Variants in LSAMP observed in about 807,000 individuals in gnomAD.
LSAMP encodes the protein limbic system associated membrane protein, also known as limbic system-associated membrane protein.
A neutral mutation model predicts 38.6 loss-of-function variants in LSAMP; 7 were observed. That is an observed-to-expected ratio of 0.18 (90% CI 0.10 to 0.34). LSAMP has a LOEUF of 0.34. LSAMP is among the 10% of genes least tolerant of loss of function. The pLI is 1.00. For synonymous variants in LSAMP, 154 were observed against 166.8 expected, an observed-to-expected ratio of 0.92 and a Z score of 0.59; for missense variants, 313 against 420.0, an observed-to-expected ratio of 0.75 and a Z score of 2.23.
chr3:116,217,639 A>G (rs1359024677), intron 1 of LSAMP, among the ~76,000 whole-genome samples: 1 of 152,226 alleles, frequency 6.6e-6, no homozygotes, highest in Non-Finnish European at 1.5e-5. Flanking sequence ...TACTGTGCTA[A>G]ACATTTTGCA....
intron 1 of LSAMP, among the ~76,000 whole-genome samples, chr3:116,230,094 G>A (rs1007527806): frequency 5.3e-5 from 8 of 152,184 alleles, no homozygotes; most frequent in Admixed American, 3.3e-4. Flanking sequence ...CTTGTTTTAT[G>A]AGCTGTCTCT....
intron 3 of LSAMP, among the ~76,000 whole-genome samples, chr3:115,969,066 G>A (rs1054396563): frequency 6.6e-6 from 1 of 152,126 alleles, no homozygotes; most frequent in South Asian, 2.1e-4. Context: ...CACTGTCAGG[G>A]GTTGTGTCGC....
At chr3:116,394,702 A>G (rs1483135880) in intron 1 of LSAMP, among the ~76,000 whole-genome samples, 6 of 151,962 alleles carry the variant, frequency 3.9e-5, no homozygotes, top group Non-Finnish European at 8.8e-5. Context: ...TCTGGCTGTG[A>G]CTCTTTTCTC....
intron 1 of LSAMP, among the ~76,000 whole-genome samples, chr3:116,238,512 G>T (rs992763452): frequency 6.6e-6 from 1 of 152,270 alleles, no homozygotes; most frequent in Admixed American, 6.5e-5. Context: ...AGCACATTTT[G>T]AGTCCACCTG....
chr3:116,264,954 C>A (rs942320931), intron 1 of LSAMP, among the ~76,000 whole-genome samples: 2 of 152,158 alleles, frequency 1.3e-5, no homozygotes, highest in African/African-American at 4.8e-5. Context: ...GTGGGTGGAG[C>A]TGAACATTCC....
intron 3 of LSAMP, among the ~76,000 whole-genome samples, chr3:115,937,988 T>G (rs991450203): frequency 6.6e-6 from 1 of 152,194 alleles, no homozygotes; most frequent in Non-Finnish European, 1.5e-5. Flanking sequence ...GGTTTTTATT[T>G]AAACTATAGT....
chr3:116,150,785 A>G (rs539165374), intron 1 of LSAMP, among the ~76,000 whole-genome samples: 1 of 152,170 alleles, frequency 6.6e-6, no homozygotes, highest in South Asian at 2.1e-4. Context: ...CAAGTTTTAA[A>G]ACAGTAAATA....
intron 1 of LSAMP, among the ~76,000 whole-genome samples, chr3:116,211,661 G>A (rs1446459932): frequency 6.6e-6 from 1 of 152,170 alleles, no homozygotes; most frequent in African/African-American, 2.4e-5. Flanking sequence ...ATGTTAATGG[G>A]CAGCAATATG....
intron 3 of LSAMP, among the ~76,000 whole-genome samples, chr3:116,002,938 A>G (rs149376996): frequency 1.3e-5 from 2 of 152,334 alleles, no homozygotes; most frequent in African/African-American, 4.8e-5. Context: ...AAGAAGTGCT[A>G]TAACTAAAGT....
intron 1 of LSAMP, among the ~76,000 whole-genome samples, chr3:116,354,616 G>A (rs1233068768): frequency 6.6e-6 from 1 of 152,146 alleles, no homozygotes; most frequent in Non-Finnish European, 1.5e-5. Flanking sequence ...AGCTGACTTG[G>A]GCATTGCATG....
intron 1 of LSAMP, among the ~76,000 whole-genome samples, chr3:116,156,573 T>C (rs138534556): frequency 6.6e-6 from 1 of 152,088 alleles, no homozygotes; most frequent in African/African-American, 2.4e-5. Flanking sequence ...GCTTTATTGA[T>C]AGGAAAAATG....
intron 1 of LSAMP, among the ~76,000 whole-genome samples, chr3:116,197,865 A>T (rs2045922960): frequency 6.6e-6 from 1 of 152,118 alleles, no homozygotes; most frequent in African/African-American, 2.4e-5. Flanking sequence ...TTATAATAGG[A>T]TGTATAGTAT....
chr3:115,928,973 G>GTTTGTTTTTT (rs1553750016), intron 3 of LSAMP, among the ~76,000 whole-genome samples: 1 of 109,928 alleles, frequency 9.1e-6, no homozygotes. Flanking sequence ...TTTTTTGTTT[G>GTTTGTTTTTT]TTTTTTTTTT....
chr3:116,392,154 C>T (rs2048709917), intron 1 of LSAMP, among the ~76,000 whole-genome samples: 1 of 152,340 alleles, frequency 6.6e-6, no homozygotes, highest in Non-Finnish European at 1.5e-5. Flanking sequence ...GGCCGGGGTA[C>T]ACATTCCACT....
At chr3:116,216,752 G>T (rs1265557998) in intron 1 of LSAMP, among the ~76,000 whole-genome samples, 2 of 152,104 alleles carry the variant, frequency 1.3e-5, no homozygotes, top group Non-Finnish European at 2.9e-5. Context: ...GTGTTGGAAA[G>T]GTAGTATTAA....
intron 2 of LSAMP, among the ~76,000 whole-genome samples, chr3:116,062,140 T>G (rs901250223): frequency 6.6e-6 from 1 of 152,240 alleles, no homozygotes; most frequent in Admixed American, 6.5e-5. Context: ...TGAAATGGAA[T>G]CAGCTTCATT....
intron 1 of LSAMP, among the ~76,000 whole-genome samples, chr3:116,411,011 T>A: frequency 6.6e-6 from 1 of 151,918 alleles, no homozygotes; most frequent in Non-Finnish European, 1.5e-5. Context: ...ATCGTAACAG[T>A]ATTAAGAGGT....
intron 1 of LSAMP, among the ~76,000 whole-genome samples, chr3:116,242,776 C>A (rs1482933769): frequency 6.7e-6 from 1 of 149,876 alleles, no homozygotes; most frequent in African/African-American, 2.5e-5. Context: ...AAAAAAAAAA[C>A]ACTAAAGATT....
At chr3:116,168,379 A>G (rs1044424802) in intron 1 of LSAMP, among the ~76,000 whole-genome samples, 1 of 152,232 alleles carries the variant, frequency 6.6e-6, no homozygotes, top group African/African-American at 2.4e-5. Flanking sequence ...GAGAGAAAAA[A>G]AAACCCATCA....
Sources: allele counts gnomAD v4.1 joint callset (sites outside exome capture counted in the v4.1 genomes callset), GRCh38; gene constraint gnomAD v4.1.1; transcripts MANE v1.5; gene names NCBI Gene and HGNC (gene_info 2026-07-23, HGNC 2026-07-21).